Variants in NELL2 observed in about 807,000 individuals in gnomAD.
NELL2 encodes the protein neural EGFL like 2.
NELL2 carries 41 observed loss-of-function variants against 109.6 expected under a neutral mutation model. The observed-to-expected ratio is 0.37, with a 90% CI of 0.29 to 0.49. The LOEUF is 0.49. Among genes scored for constraint, NELL2 ranks in the 20% least tolerant of loss-of-function variants. The probability of loss-of-function intolerance (pLI) is 0.98; values close to 1 mark genes in which losing one functional copy is unlikely to be tolerated. For synonymous variants in NELL2, 355 were observed against 344.7 expected, an observed-to-expected ratio of 1.03 and a Z score of -0.33; for missense variants, 900 against 1,008.3, an observed-to-expected ratio of 0.89 and a Z score of 1.45.
chr12:44,520,186 T>G lies in NELL2; in HGVS notation c.2219A>C (p.Glu740Ala), dbSNP rs755651432. The G allele has an allele frequency of 6.2e-7, 1 of 1,613,420 alleles. No individual in the cohort carries two copies. Residue 740 changes from glutamate (E) to alanine (A), a missense_variant, in exon 19 of 20, where the codon GAG becomes GCG. Glu to Ala is a moderately radical substitution (Grantham distance 107, BLOSUM62 -1). Around this residue, in one of 4 missense-constraint regions of NELL2, gnomAD observed 333 missense variants for 432.3 expected, o/e 0.77. Transcript: ENST00000429094. ...DCWPLPCPDVECEFSILPENE... is the reference protein window; with the variant it reads ...DCWPLPCPDVACEFSILPENE... ...CTCTGGGAGAATGCTGAATTCACAC[T>G]CCACATCTGGGCAAGGCAGGGGCCA...
At chr12:44,743,907 C>G (rs958786514) in intron 9 of NELL2, among the ~76,000 whole-genome samples, 4 of 152,076 alleles carry the variant, frequency 2.6e-5, no homozygotes. Context: ...AGAAAGTTAA[C>G]AAGGATACCC....
chr12:44,771,258 C>G (rs1198006591), intron 9 of NELL2, among the ~76,000 whole-genome samples: 1 of 151,828 alleles, frequency 6.6e-6, no homozygotes, highest in African/African-American at 2.4e-5. Flanking sequence ...GCCTAAGACT[C>G]AACCAGGATT....
At chr12:44,818,470 T>C (rs1170330232) in intron 2 of NELL2, among the ~76,000 whole-genome samples, 2 of 152,152 alleles carry the variant, frequency 1.3e-5, no homozygotes, top group Non-Finnish European at 2.9e-5. Flanking sequence ...ACACAAATGA[T>C]GCTCAGATCC....
chr12:44,921,386 C>G (rs1365758268), intron 1 of NELL2, among the ~76,000 whole-genome samples: 1 of 152,126 alleles, frequency 6.6e-6, no homozygotes, highest in Admixed American at 6.5e-5. Flanking sequence ...TACAGTCTGG[C>G]AGAGGTCTAT....
upstream of NELL2, among the ~76,000 whole-genome samples, chr12:44,880,350 G>A (rs1167150284): frequency 6.6e-6 from 1 of 151,924 alleles, no homozygotes; most frequent in Non-Finnish European, 1.5e-5. Context: ...ATAAAAGTAT[G>A]TTTAAAAACA....
At chr12:44,794,742 T>C (rs2136638817) in intron 3 of NELL2, among the ~76,000 whole-genome samples, 1 of 152,330 alleles carries the variant, frequency 6.6e-6, no homozygotes, top group South Asian at 2.1e-4. Context: ...ACCAACATTT[T>C]AAACACAATT....
intron 1 of NELL2, among the ~76,000 whole-genome samples, chr12:44,885,966 G>A (rs1945465887): frequency 6.6e-6 from 1 of 151,356 alleles, no homozygotes; most frequent in African/African-American, 2.4e-5. Context: ...AAGAGCATAG[G>A]AATAGACATA....
At chr12:44,831,865 T>C (rs958326631) in intron 2 of NELL2, among the ~76,000 whole-genome samples, 14 of 152,162 alleles carry the variant, frequency 9.2e-5, no homozygotes, top group African/African-American at 3.4e-4. Context: ...CTCTAGATTG[T>C]TATATAAAAA....
At chr12:44,826,803 C>T (rs1203497092) in intron 2 of NELL2, among the ~76,000 whole-genome samples, 1 of 152,170 alleles carries the variant, frequency 6.6e-6, no homozygotes, top group Non-Finnish European at 1.5e-5. Context: ...TAACCCAGGC[C>T]AATGTGCTTC....
intron 3 of NELL2, among the ~76,000 whole-genome samples, chr12:44,787,743 C>T (rs115426960): frequency 0.015 from 2,204 of 142,610 alleles, 53 homozygotes; most frequent in African/African-American, 0.054. Context: ...AGCAACTGAA[C>T]ATCCAAATGT....
intron 2 of NELL2, among the ~76,000 whole-genome samples, chr12:44,840,237 T>C (rs1317356591): frequency 6.6e-6 from 1 of 152,210 alleles, no homozygotes; most frequent in Non-Finnish European, 1.5e-5. Flanking sequence ...GTTGGTGATT[T>C]ATTCCTCAGA....
chr12:44,725,532 T>C (rs769323707), intron 9 of NELL2, among the ~76,000 whole-genome samples: 2 of 152,166 alleles, frequency 1.3e-5, no homozygotes, highest in Non-Finnish European at 2.9e-5. Flanking sequence ...TAAATCTTTC[T>C]ACCATAAAGA....
intron 13 of NELL2, 122 bp downstream of exon 13, chr12:44,665,362 T>C: frequency 1.3e-6 from 1 of 778,828 alleles, no homozygotes; most frequent in Non-Finnish European, 1.9e-6. Context: ...CAAGAAGATA[T>C]GATTTTGCTA....
intron 11 of NELL2, among the ~76,000 whole-genome samples, chr12:44,708,986 T>C (rs527815966): frequency 5.8e-4 from 89 of 152,294 alleles, no homozygotes; most frequent in South Asian, 1.0e-3. Flanking sequence ...AGGACTCTTT[T>C]AAAAAGAAAT....
At chr12:44,661,156 C>T (rs1947728273) in intron 13 of NELL2, among the ~76,000 whole-genome samples, 1 of 152,156 alleles carries the variant, frequency 6.6e-6, no homozygotes. Flanking sequence ...TTCCTAAATA[C>T]ACTGTGCATG....
At chr12:44,887,959 A>G (rs1230312298) in intron 1 of NELL2, among the ~76,000 whole-genome samples, 1 of 151,984 alleles carries the variant, frequency 6.6e-6, no homozygotes, top group African/African-American at 2.4e-5. Context: ...GTAGTTTCAT[A>G]GTTTCAGTAT....
intron 19 of NELL2, 69 bp from the exon 20 acceptor site, chr12:44,509,053 T>C (rs886348476): frequency 1.6e-6 from 2 of 1,276,510 alleles, no homozygotes; most frequent in Admixed American, 3.6e-5. Context: ...ATCACATTTA[T>C]TGATTGGTAC....
chr12:44,747,246 C>A (rs1481346159), intron 9 of NELL2, among the ~76,000 whole-genome samples: 1 of 150,040 alleles, frequency 6.7e-6, no homozygotes. Context: ...GGGAATTGAA[C>A]AATGAGAACA....
intron 5 of NELL2, 38 bp from the exon 6 acceptor site, chr12:44,777,352 T>C: frequency 6.6e-7 from 1 of 1,517,298 alleles, no homozygotes; most frequent in African/African-American, 1.4e-5. Flanking sequence ...CATATTACTT[T>C]CATTTACCCA....
Sources: allele counts gnomAD v4.1 joint callset (sites outside exome capture counted in the v4.1 genomes callset), GRCh38; gene constraint gnomAD v4.1.1; regional missense constraint gnomAD v4.1.1; transcripts MANE v1.5; gene names NCBI Gene and HGNC (gene_info 2026-07-23, HGNC 2026-07-21).